Variants in BACH2 observed in about 807,000 individuals in gnomAD.
BACH2 encodes the protein transcription regulator protein BACH2.
A neutral mutation model predicts 61.8 loss-of-function variants in BACH2; 5 were observed. The observed-to-expected ratio is 0.08, with a 90% CI of 0.04 to 0.17. The LOEUF (loss-of-function observed/expected upper bound fraction) is 0.17, where lower values mean the gene tolerates loss of function less well. Ranked by LOEUF, BACH2 falls within the 10% of genes least tolerant of loss-of-function variation. The pLI is 1.00. For synonymous variants in BACH2, 446 were observed against 440.1 expected (o/e 1.01, Z -0.17); for missense variants, 824 against 1,091.1 (o/e 0.76, Z 3.45).
rs78336372 is a variant in BACH2 at position 90,038,511 on chromosome 6, T to C, written c.-12-29655A>G. ...TTTCTTCTAAAGATGGTTTGAAAAA[T>C]ATCATTAAGTTTTTCTTTTGTTTTG... On this transcript the variant is annotated intron_variant, in intron 5 of 8. Coordinates refer to ENST00000257749, the MANE Select transcript of BACH2 (RefSeq NM_021813.4). Among the ~76,000 whole-genome samples the C allele has an allele frequency of 5.2e-3, 796 of 152,236 alleles. 50 individuals are homozygous for C. In the East Asian group the frequency reaches 0.14, roughly 26 times the overall value.
chr6:90,238,761 C>A (rs1770339468), intron 3 of BACH2, among the ~76,000 whole-genome samples: 1 of 152,210 alleles, frequency 6.6e-6, no homozygotes, highest in South Asian at 2.1e-4. Context: ...CAGACTAATT[C>A]TTCAATCTCA....
At chr6:90,025,726 C>T (rs192468760) in intron 5 of BACH2, among the ~76,000 whole-genome samples, 4 of 152,228 alleles carry the variant, frequency 2.6e-5, no homozygotes, top group African/African-American at 9.6e-5. Flanking sequence ...ATTAAAGTTC[C>T]TTCAGGGAAA....
At chr6:90,046,191 CA>C (rs925327533) in intron 5 of BACH2, among the ~76,000 whole-genome samples, 1 of 152,156 alleles carries the variant, frequency 6.6e-6, no homozygotes, top group Non-Finnish European at 1.5e-5. Flanking sequence ...AACGAAAACA[CA>C]CTCAAAAAAG....
At chr6:90,164,696 A>T (rs1767544229) in intron 4 of BACH2, among the ~76,000 whole-genome samples, 1 of 152,202 alleles carries the variant, frequency 6.6e-6, no homozygotes, top group African/African-American at 2.4e-5. Flanking sequence ...CCAGCAGCAC[A>T]TCAAAAAGCT....
chr6:89,988,556 G>A (rs773678041), intron 6 of BACH2, among the ~76,000 whole-genome samples: 7 of 152,164 alleles, frequency 4.6e-5, no homozygotes, highest in Non-Finnish European at 8.8e-5. Context: ...GGACAGAACC[G>A]GGTAATCTCA....
At position 89,932,759 on chromosome 6, in the gene BACH2, G is replaced by A; in HGVS notation, c.2175C>T (p.Ala725=). The change falls in exon 9 of 9, where the codon GCC becomes GCT. Residue 725 remains alanine (A), a synonymous_variant. Transcript: ENST00000257749. ...RDIQSPEQIQ[A]LHRYCPVLRP... ...TGAGGACAGGGCAATACCGATGCAG[G>A]GCCTGGATCTGCTCGGGGCTCTGGA... The A allele has an allele frequency of 6.2e-7, 1 of 1,614,068 alleles. No individual in the cohort carries two copies.
Position 90,211,237 on chromosome 6 carries a change from A to C in BACH2, c.-274-4556T>G, listed in dbSNP as rs373971451. Among the ~76,000 whole-genome samples the C allele has an allele frequency of 6.7e-5, 10 of 148,962 alleles. No individual in the cohort carries two copies. The East Asian group carries it at 2.3e-3, about 34-fold the overall frequency. ...GAATGGAGAAAAACAAAGGGCGGCA[A>C]GCAAACAAAGACACTCAGAGATAGG... On this transcript the variant is annotated intron_variant, in intron 3 of 8. Transcript: ENST00000257749.
intron 6 of BACH2, among the ~76,000 whole-genome samples, chr6:89,961,083 C>T (rs1241696429): frequency 6.6e-6 from 1 of 152,048 alleles, no homozygotes; most frequent in Non-Finnish European, 1.5e-5. Context: ...CATAATTTTC[C>T]CATTCAGGTA....
At chr6:90,119,195 A>G (rs937034372) in intron 4 of BACH2, among the ~76,000 whole-genome samples, 1 of 152,188 alleles carries the variant, frequency 6.6e-6, no homozygotes, top group African/African-American at 2.4e-5. Context: ...TTCTATCTGC[A>G]TGTTGTAGGA....
intron 5 of BACH2, among the ~76,000 whole-genome samples, chr6:90,064,668 G>T (rs1481222988): frequency 1.3e-5 from 2 of 152,278 alleles, no homozygotes; most frequent in Middle Eastern, 3.4e-3. Context: ...GGGTAGACAG[G>T]AAATAACAAA....
intron 6 of BACH2, among the ~76,000 whole-genome samples, chr6:89,960,486 ATT>A (rs944367625): frequency 6.6e-6 from 1 of 152,232 alleles, no homozygotes; most frequent in African/African-American, 2.4e-5. Context: ...TCTCTAAAAT[ATT>A]GTTTTATATA....
intron 6 of BACH2, among the ~76,000 whole-genome samples, chr6:89,974,512 C>T (rs953798715): frequency 1.3e-5 from 2 of 152,144 alleles, no homozygotes; most frequent in Admixed American, 6.5e-5. Flanking sequence ...TTACGATTCC[C>T]CATATATCAC....
At chr6:90,197,945 C>T (rs1768814566) in intron 4 of BACH2, among the ~76,000 whole-genome samples, 1 of 152,172 alleles carries the variant, frequency 6.6e-6, no homozygotes, top group African/African-American at 2.4e-5. Flanking sequence ...TGAATATGTG[C>T]TTTCCTACAA....
intron 4 of BACH2, among the ~76,000 whole-genome samples, chr6:90,149,852 G>A (rs894847601): frequency 2.6e-5 from 4 of 152,166 alleles, no homozygotes; most frequent in Non-Finnish European, 5.9e-5. Flanking sequence ...GTGAGCTGCT[G>A]CTATCCTGGC....
rs1267779307 is a variant in BACH2, at chr6:89,931,428, T to C, written c.*980A>G. On this transcript the variant is annotated 3_prime_UTR_variant, in exon 9 of 9. Transcript: ENST00000257749. ...TTTTCCTACATAATTATCACCTGAGTGCTTTTTAATTAGCTAAAATGTTTT... is the reference window on the plus strand; with the variant it reads ...TTTTCCTACATAATTATCACCTGAGCGCTTTTTAATTAGCTAAAATGTTTT... 1 of 152,756 alleles carries C rather than the reference T, an allele frequency of 6.5e-6. No homozygotes were observed. The highest frequency in any genetic ancestry group is 2.4e-5 in the African/African-American group (1 of 41,458). 9.5% of individuals were successfully genotyped at this position (152,756 alleles called of 1,614,324 possible). A position where few individuals can be genotyped will look rare whatever the true frequency, so the allele number is the denominator to read the frequency against.
intron 4 of BACH2, among the ~76,000 whole-genome samples, chr6:90,168,787 T>A (rs1767714822): frequency 6.6e-6 from 1 of 152,246 alleles, no homozygotes. Flanking sequence ...TTATAGAATG[T>A]ATACACCTGT....
chr6:90,124,725 G>A (rs1293391015), intron 4 of BACH2, among the ~76,000 whole-genome samples: 1 of 152,080 alleles, frequency 6.6e-6, no homozygotes, highest in Non-Finnish European at 1.5e-5. Flanking sequence ...TGTAAACAAT[G>A]CTCACCTAAA....
chr6:89,957,883 TC>T, intron 6 of BACH2, among the ~76,000 whole-genome samples: 1 of 152,200 alleles, frequency 6.6e-6, no homozygotes, highest in Non-Finnish European at 1.5e-5. Context: ...TGTGTTCTAT[TC>T]CTAAGGTAAT....
chr6:90,098,555 A>T (rs1782478441), intron 4 of BACH2, among the ~76,000 whole-genome samples: 1 of 152,192 alleles, frequency 6.6e-6, no homozygotes, highest in Non-Finnish European at 1.5e-5. Context: ...TAGATTCTTT[A>T]AAAACCTGAA....
Sources: gnomAD v4.1 joint callset for allele counts (sites outside exome capture counted in the v4.1 genomes callset) on GRCh38, gnomAD v4.1.1 for gene constraint, MANE v1.5 for transcripts, NCBI Gene and HGNC (gene_info 2026-07-23, HGNC 2026-07-21) for gene names.